Variants in RAB7A observed in about 807,000 individuals in gnomAD.
RAB7A encodes RAB7A, member RAS oncogene family.
RAB7A carries 2 observed loss-of-function variants against 24.5 expected under a neutral mutation model. That is an observed-to-expected ratio of 0.08 (90% CI 0.03 to 0.26). RAB7A has a LOEUF of 0.26. Ranked by LOEUF, RAB7A falls within the 10% of genes least tolerant of loss-of-function variation. The probability of loss-of-function intolerance (pLI) is 1.00; values close to 1 mark genes in which losing one functional copy is unlikely to be tolerated. For synonymous variants in RAB7A, 100 were observed against 95.9 expected (o/e 1.04, Z -0.25); for missense variants, 118 against 255.7 (o/e 0.46, Z 3.67).
intron 1 of RAB7A, among the ~76,000 whole-genome samples, chr3:128,742,370 G>A (rs1250999763): frequency 6.6e-6 from 1 of 152,178 alleles, no homozygotes; most frequent in Non-Finnish European, 1.5e-5. Context: ...AGCTTCCACA[G>A]TGTGGAAGGG....
intron 1 of RAB7A, among the ~76,000 whole-genome samples, chr3:128,773,520 A>G (rs9839878): frequency 0.31 from 41,695 of 135,850 alleles, 7,393 homozygotes; most frequent in African/African-American, 0.53. Context: ...GGTGGGGGGC[A>G]CCTCTGCCCG....
chr3:128,812,128 C>T (rs9831359), intron 5 of RAB7A, among the ~76,000 whole-genome samples: 148,599 of 152,250 alleles, frequency 0.98, 72,878 homozygotes, highest in Middle Eastern at 1. Context: ...TTGTACACTT[C>T]ATGGCATGTG....
intron 1 of RAB7A, among the ~76,000 whole-genome samples, chr3:128,786,146 G>A (rs1490624370): frequency 6.6e-6 from 1 of 152,196 alleles, no homozygotes; most frequent in Non-Finnish European, 1.5e-5. Context: ...AATTCTCATT[G>A]TATCCCTATA....
intron 1 of RAB7A, among the ~76,000 whole-genome samples, chr3:128,758,334 G>A (rs1263604920): frequency 4.0e-5 from 6 of 149,538 alleles, no homozygotes; most frequent in Non-Finnish European, 7.4e-5. Context: ...GTGCAGTGGC[G>A]CTATCTCGGC....
chr3:128,747,826 G>GGTGT (rs2070633812), intron 1 of RAB7A, among the ~76,000 whole-genome samples: 2 of 151,254 alleles, frequency 1.3e-5, no homozygotes, highest in African/African-American at 4.9e-5. Context: ...AGAGTGCAGT[G>GGTGT]GTGTGATCTT....
intron 1 of RAB7A, among the ~76,000 whole-genome samples, chr3:128,744,782 GC>G (rs1576272733): frequency 6.6e-6 from 1 of 152,116 alleles, no homozygotes; most frequent in African/African-American, 2.4e-5. Context: ...GTGTGTTTCT[GC>G]CCTGCATTTG....
chr3:128,795,751 C>G lies in RAB7A; in HGVS notation c.53+331C>G, dbSNP rs200197531. 8.1e-3 allele frequency among the ~76,000 whole-genome samples: 349 copies of G among 43,060 alleles called. 17 individuals carry two copies. The highest frequency in any genetic ancestry group is 0.021 in the African/African-American group (334 of 15,816). The allele number at this position is 43,060 out of a possible 152,430, so 28.2% of individuals were successfully genotyped here. A position where few individuals can be genotyped will look rare whatever the true frequency, so the allele number is the denominator to read the frequency against. On this transcript the variant is annotated intron_variant, in intron 2 of 5. Coordinates refer to ENST00000265062, the MANE Select transcript of RAB7A (RefSeq NM_004637.6). ...ATTGGCATCTGGCGTAGCAGATGTG[C>G]TTTTTTTTTTTTTTTTTGGAGACAG...
At chr3:128,801,093 A>T (rs576152477) in intron 3 of RAB7A, among the ~76,000 whole-genome samples, 1 of 152,330 alleles carries the variant, frequency 6.6e-6, no homozygotes, top group South Asian at 2.1e-4. Context: ...GTAATTCCAG[A>T]GTGTTTTTTG....
rs1368125399 is a variant in RAB7A at position 128,793,561 on chromosome 3, C to T, written c.-8-1799C>T. ...GGCCTCCCCTTCTTTCTATTTGAAA[C>T]TTGCCCCCATTATCATCATCTGATC... On this transcript the variant is annotated intron_variant, in intron 1 of 5. Transcript: ENST00000265062. Among the ~76,000 whole-genome samples, 4 of 152,318 alleles carry T rather than the reference C, an allele frequency of 2.6e-5. No individual in the cohort carries two copies. In the East Asian group the frequency reaches 5.8e-4, roughly 22 times the overall value.
rs532058268 is a variant in RAB7A, at chr3:128,781,512, A to T, written c.-8-13848A>T. Among the ~76,000 whole-genome samples, 13 of 151,642 alleles carry T rather than the reference A, an allele frequency of 8.6e-5. No individual in the cohort carries two copies. The South Asian group carries it at 2.7e-3, about 32-fold the overall frequency. On this transcript the variant is annotated intron_variant, in intron 1 of 5. Transcript: ENST00000265062. ...AGAGAGACCTCATCTCTACCAAAAAATTTTTCAAAAAAGAAAAGCTGGGCA... is the reference window on the plus strand; with the variant it reads ...AGAGAGACCTCATCTCTACCAAAAATTTTTTCAAAAAAGAAAAGCTGGGCA...
At position 128,803,475 on chromosome 3, in the gene RAB7A, A is replaced by G. The variant is rs146554542; in HGVS notation, c.181-2897A>G. ...TGGTAGGAGTGTAGTAATGAGTACAACCTTTTCAGTAGAAACTGCCACTCT... is the reference window on the plus strand; with the variant it reads ...TGGTAGGAGTGTAGTAATGAGTACAGCCTTTTCAGTAGAAACTGCCACTCT... On this transcript the variant is annotated intron_variant, in intron 3 of 5. Coordinates refer to ENST00000265062, the MANE Select transcript of RAB7A (RefSeq NM_004637.6). 1.1e-4 allele frequency among the ~76,000 whole-genome samples: 16 copies of G among 152,224 alleles called. No individual in the cohort carries two copies. The East Asian group carries it at 2.9e-3, about 28-fold the overall frequency.
intron 1 of RAB7A, among the ~76,000 whole-genome samples, chr3:128,775,809 A>G (rs1005595618): frequency 6.6e-6 from 1 of 152,200 alleles, no homozygotes; most frequent in African/African-American, 2.4e-5. Context: ...GTGGTGTACA[A>G]TATGATGTTT....
chr3:128,793,741 A>G (rs1307804001), intron 1 of RAB7A, among the ~76,000 whole-genome samples: 1 of 152,224 alleles, frequency 6.6e-6, no homozygotes, highest in Non-Finnish European at 1.5e-5. Flanking sequence ...GATGGAAGAC[A>G]GAACTCCAAG....
At position 128,813,658 on chromosome 3, in the gene RAB7A, G is replaced by T; in HGVS notation, c.*236G>T. 1.8e-6 allele frequency: 1 copy of T among 552,040 alleles called. No individual in the cohort carries two copies. Among genetic ancestry groups the T allele is most frequent in the Non-Finnish European group, 3.3e-6 (1 of 298,714 alleles). The allele number at this position is 552,040 out of a possible 1,614,324, so 34.2% of individuals were successfully genotyped here. A position where few individuals can be genotyped will look rare whatever the true frequency, so the allele number is the denominator to read the frequency against. On this transcript the variant is annotated 3_prime_UTR_variant, in exon 6 of 6. Coordinates refer to ENST00000265062, the MANE Select transcript of RAB7A (RefSeq NM_004637.6). ...CAAACTCCAGCCCTTGCCCGTGATG[G>T]CTCCTTGGGGTCTGCCTGCCCACCC...
chr3:128,747,926 C>A (rs530254219), intron 1 of RAB7A, among the ~76,000 whole-genome samples: 5 of 151,876 alleles, frequency 3.3e-5, no homozygotes, highest in Middle Eastern at 3.4e-3. Flanking sequence ...TGCCACCACG[C>A]CCAGCTAATT....
intron 1 of RAB7A, among the ~76,000 whole-genome samples, chr3:128,772,466 A>G (rs116573049): frequency 0.014 from 2,102 of 151,638 alleles, 45 homozygotes; most frequent in African/African-American, 0.048. Flanking sequence ...AATGTTTTTG[A>G]TGGGGATAGG....
At chr3:128,806,658 G>A in intron 4 of RAB7A, 68 bp downstream of exon 4, 1 of 1,450,994 alleles carries the variant, frequency 6.9e-7, no homozygotes, top group Non-Finnish European at 9.6e-7. Context: ...AATTTGGAGG[G>A]TTCTCTGCTA....
At chr3:128,806,739 C>G (rs1933811734) in intron 4 of RAB7A, 149 bp downstream of exon 4, 1 of 841,736 alleles carries the variant, frequency 1.2e-6, no homozygotes, top group East Asian at 2.7e-5. Flanking sequence ...GGCCAACTGC[C>G]TTTAAGGACC....
chr3:128,733,563 G>C lies in RAB7A; in HGVS notation c.-9+7204G>C, dbSNP rs2070458432. 2.6e-5 allele frequency among the ~76,000 whole-genome samples: 4 copies of C among 152,318 alleles called. No individual in the cohort carries two copies. The South Asian group carries it at 8.3e-4, about 32-fold the overall frequency. Reference sequence around the variant, plus strand: ...AAGGTTAGAAATCTGAGGTCAAGCTGTCGGGAGGATTAGTTTCTTCTGAAG... The same window carrying C: ...AAGGTTAGAAATCTGAGGTCAAGCTCTCGGGAGGATTAGTTTCTTCTGAAG... On this transcript the variant is annotated intron_variant, in intron 1 of 5. Transcript: ENST00000265062.
Sources: allele counts gnomAD v4.1 joint callset (sites outside exome capture counted in the v4.1 genomes callset), GRCh38; gene constraint gnomAD v4.1.1; transcripts MANE v1.5; gene names NCBI Gene and HGNC (gene_info 2026-07-23, HGNC 2026-07-21).